The following ADAM12 variants were observed in gnomAD, a reference collection of about 807,000 sequenced individuals.
The protein encoded by ADAM12 is ADAM metallopeptidase domain 12.
ADAM12 carries 70 observed loss-of-function variants against 106.4 expected under a neutral mutation model. That is an observed-to-expected ratio of 0.66 (90% CI 0.54 to 0.80). ADAM12 has a LOEUF of 0.80. ADAM12 is among the 30% of genes least tolerant of loss of function. The pLI is 0.00. For missense variants in ADAM12, 1,010 were observed against 1,171.9 expected, an observed-to-expected ratio of 0.86 and a Z score of 2.02; for synonymous variants, 420 against 433.5, an observed-to-expected ratio of 0.97 and a Z score of 0.39.
chr10:126,346,275 A>T (rs1194727178), intron 1 of ADAM12, among the ~76,000 whole-genome samples: 1 of 151,798 alleles, frequency 6.6e-6, no homozygotes, highest in Non-Finnish European at 1.5e-5. Context: ...TCATTTCCTT[A>T]TTTACCCAGT....
At chr10:126,019,650 A>G in intron 22 of ADAM12, 45 bp downstream of exon 22, 1 of 1,597,878 alleles carries the variant, frequency 6.3e-7, no homozygotes, top group Non-Finnish European at 8.6e-7. Context: ...TTGGTCCCAC[A>G]AGAGTTTGAG....
chr10:126,110,806 C>G lies in ADAM12; in HGVS notation c.604-966G>C, dbSNP rs74232077. On this transcript the variant is annotated intron_variant, in intron 6 of 22. Transcript: ENST00000448723. ...GTTCGTGGAGGGTGGTCTCAAAAAG[C>G]AAACATTAAAAACAAAAAACAAAGC... Among the ~76,000 whole-genome samples, 108 of 152,210 alleles carry G rather than the reference C, an allele frequency of 7.1e-4. 1 individual carries two copies. In the East Asian group the frequency reaches 0.02, roughly 27 times the overall value.
At chr10:126,314,676 C>G (rs1337087708) in intron 2 of ADAM12, among the ~76,000 whole-genome samples, 2 of 152,208 alleles carry the variant, frequency 1.3e-5, no homozygotes, top group Non-Finnish European at 2.9e-5. Flanking sequence ...CACTTGACTA[C>G]TCAGAAACCT....
At chr10:126,048,736 T>C (rs894702352) in intron 16 of ADAM12, among the ~76,000 whole-genome samples, 38 of 150,970 alleles carry the variant, frequency 2.5e-4, no homozygotes, top group African/African-American at 8.1e-4. Context: ...AAAAAAAAAG[T>C]TTGACTTTAT....
intron 2 of ADAM12, among the ~76,000 whole-genome samples, chr10:126,301,001 C>T (rs1260568581): frequency 6.6e-6 from 1 of 152,184 alleles, no homozygotes. Context: ...GTGGTTTCAA[C>T]TTGGGGCGAT....
intron 20 of ADAM12, among the ~76,000 whole-genome samples, chr10:126,036,828 G>T (rs890366615): frequency 3.3e-5 from 5 of 152,210 alleles, no homozygotes; most frequent in Admixed American, 2.6e-4. Context: ...TAGAACAGGT[G>T]CTGCAGGGAC....
intron 1 of ADAM12, 149 bp from the exon 2 acceptor site, chr10:126,330,658 T>A: frequency 1.6e-6 from 1 of 630,474 alleles, no homozygotes; most frequent in Non-Finnish European, 2.6e-6. Flanking sequence ...TGAAAAGTGT[T>A]AAAACTGCTG....
Position 126,170,516 on chromosome 10 carries a change from C to T in ADAM12, c.261-15211G>A, listed in dbSNP as rs552807110. On this transcript the variant is annotated intron_variant, in intron 3 of 22. Coordinates refer to ENST00000448723, the MANE Select transcript of ADAM12 (RefSeq NM_001288973.2). ...CAGTTAAAGCACACCCTCTTTTCTG[C>T]GAAGGCCCACTGAGTTTGCCTGCTC... Among the ~76,000 whole-genome samples the T allele has an allele frequency of 1.8e-4, 28 of 151,956 alleles. No homozygotes were observed. In the East Asian group the frequency reaches 4.8e-3, roughly 26 times the overall value.
chr10:126,309,911 C>A lies in ADAM12; in HGVS notation c.186+20501G>T, dbSNP rs111765699. 3.9e-5 allele frequency among the ~76,000 whole-genome samples: 6 copies of A among 152,196 alleles called. No homozygotes were observed. The East Asian group carries it at 9.7e-4, about 25-fold the overall frequency. On this transcript the variant is annotated intron_variant, in intron 2 of 22. Transcript: ENST00000448723. The stretch of plus-strand genomic sequence containing the variant: ...CAGTGGCTCACGCAGGTAATCCCAG[C>A]ACTTTGGGAGGCTGAGGTGGGCAGA...
chr10:126,337,961 A>C (rs776723445), intron 1 of ADAM12, among the ~76,000 whole-genome samples: 1 of 152,202 alleles, frequency 6.6e-6, no homozygotes, highest in Non-Finnish European at 1.5e-5. Flanking sequence ...TATGATGACA[A>C]AACAACAATT....
chr10:126,309,700 GC>G (rs1298996702), intron 2 of ADAM12, among the ~76,000 whole-genome samples: 21 of 152,204 alleles, frequency 1.4e-4, no homozygotes, highest in African/African-American at 4.1e-4. Context: ...AAGCCACTAA[GC>G]TTTGGAGGAG....
At chr10:126,307,133 G>T (rs1960880711) in intron 2 of ADAM12, among the ~76,000 whole-genome samples, 1 of 152,092 alleles carries the variant, frequency 6.6e-6, no homozygotes, top group African/African-American at 2.4e-5. Context: ...ATTCCAATGA[G>T]TACTTAATTT....
chr10:126,070,515 G>T lies in ADAM12; in HGVS notation c.1323+962C>A, dbSNP rs149900047. The T allele has an allele frequency of 1.5e-3, 228 of 152,328 alleles. 2 individuals carry two copies. The highest frequency in any genetic ancestry group is 5.0e-3 in the African/African-American group (206 of 41,566). 9.4% of individuals were successfully genotyped at this position (152,328 alleles called of 1,614,324 possible). A position where few individuals can be genotyped will look rare whatever the true frequency, so the allele number is the denominator to read the frequency against. On this transcript the variant is annotated intron_variant, in intron 12 of 22. Coordinates refer to ENST00000448723, the MANE Select transcript of ADAM12 (RefSeq NM_001288973.2). ...CCAGTTGTTTGTGTGATGAACACAGGAATATACCGGATGCGCCAGTCTCAA... is the reference window on the plus strand; with the variant it reads ...CCAGTTGTTTGTGTGATGAACACAGTAATATACCGGATGCGCCAGTCTCAA...
chr10:126,106,981 C>A (rs115086181), intron 8 of ADAM12, among the ~76,000 whole-genome samples: 1 of 152,146 alleles, frequency 6.6e-6, no homozygotes, highest in Non-Finnish European at 1.5e-5. Flanking sequence ...CCTTGAGCAC[C>A]GTGAATCTTT....
In ADAM12 at chr10:126,245,824, G is replaced by T. The variant is rs866892791; in HGVS notation, c.260+33091C>A. On this transcript the variant is annotated intron_variant, in intron 3 of 22. Transcript: ENST00000448723. The stretch of plus-strand genomic sequence containing the variant: ...GGCAAGAAAGTGGCCCTTTCTTTGG[G>T]TTGTCTGAAAGCAAAGGTCACGGAG... Among the ~76,000 whole-genome samples, 58 of 152,250 alleles carry T rather than the reference G, an allele frequency of 3.8e-4. 2 individuals carry two copies. The highest frequency in any genetic ancestry group is 6.8e-3 in the Middle Eastern group (2 of 294).
At chr10:126,126,843 C>A (rs1269373344) in intron 5 of ADAM12, among the ~76,000 whole-genome samples, 2 of 151,078 alleles carry the variant, frequency 1.3e-5, no homozygotes, top group African/African-American at 4.9e-5. Flanking sequence ...TGGGGTCAGG[C>A]TTATAGACTC....
intron 5 of ADAM12, among the ~76,000 whole-genome samples, chr10:126,122,962 CT>C (rs1372140372): frequency 6.6e-6 from 1 of 152,158 alleles, no homozygotes; most frequent in Non-Finnish European, 1.5e-5. Context: ...AAAAGTTTTT[CT>C]ACATAGTGGA....
intron 5 of ADAM12, among the ~76,000 whole-genome samples, chr10:126,129,033 G>C (rs1276309451): frequency 6.6e-6 from 1 of 152,244 alleles, no homozygotes; most frequent in East Asian, 1.9e-4. Context: ...AAATAACTAT[G>C]ATGACAACCA....
chr10:126,119,048 T>G (rs1187774954), intron 5 of ADAM12, among the ~76,000 whole-genome samples: 1 of 152,190 alleles, frequency 6.6e-6, no homozygotes, highest in South Asian at 2.1e-4. Flanking sequence ...AAATTTATAT[T>G]TTTTTATTTA....
Sources: gnomAD v4.1 joint callset for allele counts (sites outside exome capture counted in the v4.1 genomes callset) on GRCh38, gnomAD v4.1.1 for gene constraint, MANE v1.5 for transcripts, NCBI Gene and HGNC (gene_info 2026-07-23, HGNC 2026-07-21) for gene names.